The following TLR5 variants were observed in gnomAD, a reference collection of about 807,000 sequenced individuals.
TLR5 encodes toll-like receptor 5.
For missense variants in TLR5, 944 were observed against 999.8 expected (o/e 0.94, Z 0.75); for synonymous variants, 373 against 384.4 (o/e 0.97, Z 0.35).
At chr1:223,136,346 TG>T (rs1657613420) in intron 3 of TLR5, among the ~76,000 whole-genome samples, 1 of 152,162 alleles carries the variant, frequency 6.6e-6, no homozygotes, top group Non-Finnish European at 1.5e-5. Context: ...CCCGAGCCCC[TG>T]GGATCTTGGC....
At chr1:223,142,546 C>A (rs1351154510) in intron 1 of TLR5, among the ~76,000 whole-genome samples, 1 of 152,190 alleles carries the variant, frequency 6.6e-6, no homozygotes, top group Non-Finnish European at 1.5e-5. Flanking sequence ...CCCACCCTCG[C>A]CCCTTAGGAA....
At chr1:223,115,414 T>G (rs1414848319) in intron 5 of TLR5, among the ~76,000 whole-genome samples, 1 of 152,200 alleles carries the variant, frequency 6.6e-6, no homozygotes, top group Non-Finnish European at 1.5e-5. Flanking sequence ...CACGCCCAGC[T>G]AATTTTTGTA....
At chr1:223,127,002 G>C (rs1657193453) in intron 5 of TLR5, 1 of 152,244 alleles carries the variant, frequency 6.6e-6, no homozygotes, top group African/African-American at 2.4e-5. Flanking sequence ...GGACAGCAGA[G>C]CTGCTCACTT....
intron 1 of TLR5, 60 bp downstream of exon 1, chr1:223,143,136 C>T (rs1228711369): frequency 6.6e-6 from 1 of 152,264 alleles, no homozygotes; most frequent in Non-Finnish European, 1.5e-5. Flanking sequence ...CGCGTCCCCG[C>T]CCCGCGCTGC....
chr1:223,127,375 C>G (rs1657210814), intron 5 of TLR5: 1 of 152,200 alleles, frequency 6.6e-6, no homozygotes, highest in African/African-American at 2.4e-5. Flanking sequence ...TCTCCAAATT[C>G]ACACAGGTAT....
In TLR5 at chr1:223,110,869, G is replaced by A. The variant is rs750153577; in HGVS notation, c.2163C>T (p.Asp721=). The change falls in exon 6 of 6, where the codon GAC becomes GAT. Residue 721 remains aspartate, a synonymous_variant. Transcript: ENST00000642603. Reference sequence around the variant, plus strand: ...CAAAGCACAGGTTGAATCTGTTTTGGTCACTGTATTGAGTGTCCAGGTGTT... The same window carrying A: ...CAAAGCACAGGTTGAATCTGTTTTGATCACTGTATTGAGTGTCCAGGTGTT... ...LLKHLDTQYS[D]QNRFNLCFEE... The A allele has an allele frequency of 2.4e-5, 39 of 1,614,094 alleles. No homozygotes were observed. Among genetic ancestry groups the A allele is most frequent in the Admixed American group, 5.0e-5 (3 of 59,996 alleles).
At chr1:223,129,734 G>T (rs545603956) in intron 5 of TLR5, among the ~76,000 whole-genome samples, 2 of 152,332 alleles carry the variant, frequency 1.3e-5, no homozygotes, top group South Asian at 4.1e-4. Context: ...TGGAAAGCGA[G>T]CTCCTACCCA....
Position 223,111,700 on chromosome 1 carries a change from G to A in TLR5, c.1332C>T (p.Leu444=), listed in dbSNP as rs5744169. 5,849 of 1,614,154 alleles carry A rather than the reference G, an allele frequency of 3.6e-3. 166 individuals are homozygous for A. In the African/African-American group the frequency reaches 0.067, roughly 18 times the overall value. ...GAATCTGGAGATGAGGTACCCGTAGGAGAAAGTAGAGAATATCTAGATTTT... is the reference window on the plus strand; with the variant it reads ...GAATCTGGAGATGAGGTACCCGTAGAAGAAAGTAGAGAATATCTAGATTTT... ...RLENLDILYF[L]LRVPHLQILI... Residue 444 remains leucine (L), a synonymous_variant, in exon 6 of 6, where the codon CTC becomes CTT. Coordinates refer to ENST00000642603, the MANE Select transcript of TLR5 (RefSeq NM_003268.6).
intron 1 of TLR5, among the ~76,000 whole-genome samples, chr1:223,142,274 C>T (rs1416640561): frequency 1.3e-5 from 2 of 152,312 alleles, no homozygotes; most frequent in Admixed American, 1.3e-4. Flanking sequence ...ATTACAGATG[C>T]ACTTGCCGTC....
chr1:223,124,170 G>A (rs1359327424), intron 5 of TLR5, among the ~76,000 whole-genome samples: 1 of 152,174 alleles, frequency 6.6e-6, no homozygotes, highest in African/African-American at 2.4e-5. Context: ...TGGGCCAGGC[G>A]CTGTGGCTCA....
chr1:223,118,167 A>G (rs1318111172), intron 5 of TLR5, among the ~76,000 whole-genome samples: 1 of 152,236 alleles, frequency 6.6e-6, no homozygotes, highest in Non-Finnish European at 1.5e-5. Flanking sequence ...GGTCTGGTCC[A>G]GAAGCATGAG....
At chr1:223,117,758 C>A (rs1656750238) in intron 5 of TLR5, among the ~76,000 whole-genome samples, 1 of 152,056 alleles carries the variant, frequency 6.6e-6, no homozygotes, top group South Asian at 2.1e-4. Context: ...TGTAATTTTG[C>A]AGGGATGATT....
chr1:223,130,567 A>C (rs1657360634), intron 5 of TLR5, among the ~76,000 whole-genome samples: 1 of 152,136 alleles, frequency 6.6e-6, no homozygotes, highest in Non-Finnish European at 1.5e-5. Context: ...GAACAGCCCC[A>C]CGTCACTTGC....
chr1:223,119,103 C>CAAAAG (rs750225999), intron 5 of TLR5, among the ~76,000 whole-genome samples: 4 of 151,914 alleles, frequency 2.6e-5, no homozygotes, highest in African/African-American at 4.8e-5. Flanking sequence ...GACTCCATCT[C>CAAAAG]AAAAGAAAAG....
chr1:223,113,167 G>A, intron 5 of TLR5, 132 bp from the exon 6 acceptor site: 1 of 870,770 alleles, frequency 1.1e-6, no homozygotes, highest in Non-Finnish European at 1.9e-6. Context: ...TGACTCCACA[G>A]ACGTGGCTGT....
chr1:223,115,307 C>T (rs1230014865), intron 5 of TLR5, among the ~76,000 whole-genome samples: 3 of 152,142 alleles, frequency 2.0e-5, no homozygotes, highest in Admixed American at 6.5e-5. Context: ...TGGAGTGCAG[C>T]GGTGCTATCT....
In TLR5 at chr1:223,134,709, A is replaced by G. The variant is rs1300076990; in HGVS notation, c.-197T>C. The G allele has an allele frequency of 6.6e-6, 1 of 152,306 alleles. No individual in the cohort carries two copies. Among genetic ancestry groups the G allele is most frequent in the Non-Finnish European group, 1.5e-5 (1 of 68,040 alleles). 9.4% of individuals were successfully genotyped at this position (152,306 alleles called of 1,614,324 possible). A position where few individuals can be genotyped will look rare whatever the true frequency, so the allele number is the denominator to read the frequency against. ...GTCTCCAGGTTCGGACAGCGCCAAC[A>G]TTCTCAATTAGAAAATTAACATCTG... On this transcript the variant is annotated 5_prime_UTR_variant, in exon 4 of 6. An upstream start codon of the reference 5' UTR is lost. Coordinates refer to ENST00000642603, the MANE Select transcript of TLR5 (RefSeq NM_003268.6).
intron 5 of TLR5, among the ~76,000 whole-genome samples, chr1:223,116,255 G>T: frequency 6.6e-6 from 1 of 152,120 alleles, no homozygotes; most frequent in Admixed American, 6.5e-5. Context: ...CTTAAAGGTG[G>T]TGTGTCTGGG....
At chr1:223,139,896 A>G (rs1441440431) in intron 2 of TLR5, among the ~76,000 whole-genome samples, 1 of 152,208 alleles carries the variant, frequency 6.6e-6, no homozygotes, top group African/African-American at 2.4e-5. Context: ...ACTGTTACCT[A>G]TAAGGGCTTG....
Sources: allele counts gnomAD v4.1 joint callset (sites outside exome capture counted in the v4.1 genomes callset), GRCh38; gene constraint gnomAD v4.1.1; transcripts MANE v1.5; gene names NCBI Gene and HGNC (gene_info 2026-07-23, HGNC 2026-07-21).